The following SPATA1 variants were observed in gnomAD, a reference collection of about 807,000 sequenced individuals.
SPATA1 encodes the protein spermatogenesis associated 1, also known as spermatogenesis-associated protein 1.
SPATA1 carries 57 observed loss-of-function variants against 59.6 expected under a neutral mutation model. The observed-to-expected ratio is 0.96, with a 90% confidence interval of 0.77 to 1.19. The LOEUF (loss-of-function observed/expected upper bound fraction) is 1.19. SPATA1 is among the 50% of genes most tolerant of loss of function. SPATA1 has a pLI of 0.00. For missense variants in SPATA1, 448 were observed against 480.7 expected (o/e 0.93, Z 0.64); for synonymous variants, 147 against 163.9 (o/e 0.90, Z 0.79).
In SPATA1 at chr1:84,530,870, T is replaced by A. The variant is rs1282418769; in HGVS notation, c.545-1990T>A. Among the ~76,000 whole-genome samples, 3 of 152,226 alleles carry A rather than the reference T, an allele frequency of 2.0e-5. No homozygotes were observed. The East Asian group carries it at 5.8e-4, about 29-fold the overall frequency. ...GCTTCACACATTATTAGTATTCTGC[T>A]CCTTGTACATACCGTATTCTTTGCT... On this transcript the variant is annotated intron_variant, in intron 6 of 12. Transcript: ENST00000490879.
chr1:84,539,496 A>G (rs1381111391), intron 8 of SPATA1, among the ~76,000 whole-genome samples: 4 of 152,200 alleles, frequency 2.6e-5, no homozygotes, highest in African/African-American at 9.6e-5. Context: ...TCACACTTTA[A>G]AATGTTTTCC....
intron 6 of SPATA1, among the ~76,000 whole-genome samples, chr1:84,530,848 T>C (rs1246254): frequency 0.4 from 60,983 of 152,114 alleles, 14,797 homozygotes; most frequent in African/African-American, 0.68. Context: ...TAAAAATGCT[T>C]CACACATTAT....
intron 9 of SPATA1, 34 bp downstream of exon 9, chr1:84,544,338 C>G (rs1684013035): frequency 6.9e-7 from 1 of 1,457,892 alleles, no homozygotes. Context: ...ACAGATGATT[C>G]TGTGAGGTAA....
downstream of SPATA1, among the ~76,000 whole-genome samples, chr1:84,557,857 C>CA (rs375521066): frequency 0.25 from 29,179 of 117,566 alleles, 3,137 homozygotes; most frequent in Middle Eastern, 0.36. Context: ...GACTCCATCT[C>CA]AAAAAAAAAA....
intron 6 of SPATA1, among the ~76,000 whole-genome samples, chr1:84,526,718 G>A (rs143160067): frequency 1.3e-5 from 2 of 151,624 alleles, no homozygotes; most frequent in Admixed American, 1.3e-4. Flanking sequence ...AAACACAAAA[G>A]TTAGCCAGGT....
chr1:84,562,413 A>G (rs1260841649), intron 4 of SPATA1, among the ~76,000 whole-genome samples: 3 of 152,220 alleles, frequency 2.0e-5, no homozygotes, highest in Non-Finnish European at 4.4e-5. Context: ...AGGCATACAC[A>G]TGTATATCAA....
At chr1:84,545,934 T>A (rs1199410750) in intron 10 of SPATA1, among the ~76,000 whole-genome samples, 175 bp downstream of exon 10, 1 of 151,774 alleles carries the variant, frequency 6.6e-6, no homozygotes, top group Non-Finnish European at 1.5e-5. Flanking sequence ...GCAACTCTAC[T>A]TTATAGAATA....
At chr1:84,527,637 A>G (rs1291142074) in intron 6 of SPATA1, 1 of 152,212 alleles carries the variant, frequency 6.6e-6, no homozygotes, top group African/African-American at 2.4e-5. Flanking sequence ...ATTAATAAAT[A>G]TAGATCTGTG....
chr1:84,534,998 T>C lies in SPATA1; in HGVS notation c.717+1232T>C, dbSNP rs188556891. Among the ~76,000 whole-genome samples, 412 of 152,294 alleles carry C rather than the reference T, an allele frequency of 2.7e-3. 1 individual carries two copies. The highest frequency in any genetic ancestry group is 4.0e-3 in the Non-Finnish European group (269 of 67,980). On this transcript the variant is annotated intron_variant, in intron 8 of 12. Transcript: ENST00000490879. ...ATTCTCAGTGATAATTTTTGTTAAA[T>C]AGAGGTAATTTGAAGAGAACCACGA...
intron 4 of SPATA1, among the ~76,000 whole-genome samples, chr1:84,560,099 AAGAAAG>A (rs1451867951): frequency 0.021 from 477 of 22,398 alleles, 8 homozygotes; most frequent in African/African-American, 0.042. Flanking sequence ...AAAAAAAAAA[AAGAAAG>A]AAAGAAAGAA....
chr1:84,520,516 T>C (rs1682980666), intron 2 of SPATA1, 69 bp from the exon 3 acceptor site: 6 of 897,356 alleles, frequency 6.7e-6, no homozygotes, highest in African/African-American at 2.1e-5. Flanking sequence ...CTTAATTCTA[T>C]AGGACATCAA....
chr1:84,517,668 A>T (rs1682854954), intron 2 of SPATA1, among the ~76,000 whole-genome samples: 1 of 150,714 alleles, frequency 6.6e-6, no homozygotes, highest in South Asian at 2.1e-4. Context: ...CTTCTACTTG[A>T]CTCTTCTTTC....
chr1:84,506,612 T>C (rs1300485631), intron 1 of SPATA1, 194 bp downstream of exon 1: 1 of 152,804 alleles, frequency 6.5e-6, no homozygotes, highest in Non-Finnish European at 1.5e-5. Context: ...TAGGAGCTAC[T>C]GTGCACCCGG....
chr1:84,560,134 G>A (rs554677902), intron 4 of SPATA1, among the ~76,000 whole-genome samples: 42 of 141,192 alleles, frequency 3.0e-4, no homozygotes, highest in African/African-American at 1.1e-3. Context: ...AGAAAGAAAG[G>A]AAAGAAAGAA....
At chr1:84,543,022 C>T (rs1039984132) in intron 8 of SPATA1, among the ~76,000 whole-genome samples, 4 of 151,828 alleles carry the variant, frequency 2.6e-5, no homozygotes, top group African/African-American at 9.7e-5. Context: ...ATAACAAAAA[C>T]AATAATAATA....
chr1:84,533,942 C>G (rs1409389008), intron 8 of SPATA1, among the ~76,000 whole-genome samples, 176 bp downstream of exon 8: 36 of 151,894 alleles, frequency 2.4e-4, no homozygotes, highest in Non-Finnish European at 1.6e-4. Flanking sequence ...AACAATATGC[C>G]CAAATGAGAA....
intron 12 of SPATA1, chr1:84,553,020 T>C (rs1428999881): frequency 4.0e-6 from 6 of 1,482,806 alleles, no homozygotes; most frequent in African/African-American, 1.4e-5. Context: ...TTTTGAAAAG[T>C]AATTCTTTTT....
intron 1 of SPATA1, among the ~76,000 whole-genome samples, chr1:84,515,106 A>G (rs1192211993): frequency 6.6e-6 from 1 of 152,222 alleles, no homozygotes; most frequent in Non-Finnish European, 1.5e-5. Flanking sequence ...TAGATTATTA[A>G]CTAATTCTTA....
chr1:84,515,275 A>G (rs1558570939), intron 1 of SPATA1, among the ~76,000 whole-genome samples: 1 of 152,176 alleles, frequency 6.6e-6, no homozygotes, highest in African/African-American at 2.4e-5. Flanking sequence ...AAAATGGCAA[A>G]TCACATTCTA....
Sources: gnomAD v4.1 joint callset for allele counts (sites outside exome capture counted in the v4.1 genomes callset) on GRCh38, gnomAD v4.1.1 for gene constraint, MANE v1.5 for transcripts, NCBI Gene and HGNC (gene_info 2026-07-23, HGNC 2026-07-21) for gene names.